Variants in TTC34 observed in about 807,000 individuals in gnomAD.
The protein encoded by TTC34 is tetratricopeptide repeat domain 34.
In TTC34, 44 loss-of-function variants were observed where a neutral mutation model predicts 40.7. The ratio of observed to expected loss-of-function variants is 1.08; its 90% CI spans 0.85 to 1.39. TTC34 has a LOEUF of 1.39. TTC34 is among the 40% of genes most tolerant of loss of function. The pLI is 0.00. For synonymous variants in TTC34, 422 were observed against 398.6 expected, an observed-to-expected ratio of 1.06 and a Z score of -0.70; for missense variants, 884 against 838.0, an observed-to-expected ratio of 1.05 and a Z score of -0.68.
chr1:2,700,293 C>A (rs11516514), intron 6 of TTC34, among the ~76,000 whole-genome samples: 24,069 of 98,770 alleles, frequency 0.24, 5,815 homozygotes, highest in Non-Finnish European at 0.33. Context: ...GCACCCACAC[C>A]CCCAGGTGAG....
chr1:2,755,905 C>A (rs1166167680), intron 6 of TTC34, among the ~76,000 whole-genome samples: 1 of 84,906 alleles, frequency 1.2e-5, no homozygotes, highest in Non-Finnish European at 2.1e-5. Context: ...CACCCACACC[C>A]CCAGGTGAGC....
chr1:2,761,098 G>C (rs1464070434), intron 6 of TTC34, among the ~76,000 whole-genome samples: 1 of 55,256 alleles, frequency 1.8e-5, no homozygotes, highest in Non-Finnish European at 2.9e-5. Flanking sequence ...GGTGAGCATC[G>C]GACATCCTGG....
chr1:2,687,778 C>A (rs1323438717), intron 6 of TTC34, among the ~76,000 whole-genome samples: 1 of 148,906 alleles, frequency 6.7e-6, no homozygotes, highest in Non-Finnish European at 1.5e-5. Context: ...CTGAGGCGAG[C>A]ATCTGACAGC....
At chr1:2,785,933 C>A in exon 5 of TTC34, 1 of 1,527,206 alleles carries the variant, frequency 6.5e-7, no homozygotes, top group Non-Finnish European at 8.8e-7. Flanking sequence ...TGGCAGTGGC[C>A]TTGAAGCAGC....
chr1:2,657,540 A>T (rs1639394852), intron 6 of TTC34, among the ~76,000 whole-genome samples: 7 of 85,916 alleles, frequency 8.1e-5, no homozygotes, highest in African/African-American at 2.6e-4. Flanking sequence ...AGCACCCAGA[A>T]CTCCAGGTGA....
intron 6 of TTC34, among the ~76,000 whole-genome samples, chr1:2,646,051 C>T (rs1384667730): frequency 1.3e-5 from 2 of 152,146 alleles, no homozygotes; most frequent in African/African-American, 4.8e-5. Context: ...GTAGAAAGCC[C>T]AGTTACTGCT....
intron 6 of TTC34, among the ~76,000 whole-genome samples, chr1:2,646,886 G>A (rs1020139248): frequency 2.0e-5 from 3 of 152,106 alleles, no homozygotes; most frequent in African/African-American, 4.8e-5. Flanking sequence ...TTTGTCTAAC[G>A]GGTCTTTAAT....
At chr1:2,800,276 G>C (rs1276809086) in exon 2 of TTC34, 3 of 398,568 alleles carry the variant, frequency 7.5e-6, no homozygotes, top group African/African-American at 2.1e-5. Context: ...GCAGCGCGGG[G>C]AGGTGGGGCC....
chr1:2,687,320 C>A lies in TTC34; in HGVS notation c.2227-41757G>T, dbSNP rs1277259760. 3.2e-4 allele frequency among the ~76,000 whole-genome samples: 40 copies of A among 125,654 alleles called. 1 individual carries two copies. Among genetic ancestry groups the A allele is most frequent in the African/African-American group, 1.2e-3 (34 of 28,770 alleles). The allele number at this position is 125,654 out of a possible 152,430, so 82.4% of individuals were successfully genotyped here. ...GCATCTGACATCGTGGAACAGCACCCCAAACCCACAGGTGAGCATCCGACA... is the reference window on the plus strand; with the variant it reads ...GCATCTGACATCGTGGAACAGCACCACAAACCCACAGGTGAGCATCCGACA... On this transcript the variant is annotated intron_variant, in intron 6 of 8. Coordinates refer to ENST00000401095, the Ensembl canonical transcript of TTC34.
intron 5 of TTC34, 130 bp from the exon 6 acceptor site, chr1:2,783,905 C>T: frequency 3.6e-6 from 3 of 840,270 alleles, no homozygotes; most frequent in Non-Finnish European, 5.1e-6. Context: ...TCACAGGCCA[C>T]TGGGCACCAA....
chr1:2,748,828 T>A lies in TTC34; in HGVS notation c.2226+34781A>T, dbSNP rs1384596633. ...ACAGGCGAGCATCTGACAGCCTCGG[T>A]CGGCACCCACAAACCCAGGTGAGCA... On this transcript the variant is annotated intron_variant, in intron 6 of 8. Coordinates refer to ENST00000401095, the Ensembl canonical transcript of TTC34. 1.8e-5 allele frequency among the ~76,000 whole-genome samples: 2 copies of A among 111,416 alleles called. 1 individual carries two copies. The highest frequency in any genetic ancestry group is 3.5e-5 in the Non-Finnish European group (2 of 57,294). 73.1% of individuals were successfully genotyped at this position (111,416 alleles called of 152,430 possible).
At chr1:2,748,502 C>T (rs1374139133) in intron 6 of TTC34, among the ~76,000 whole-genome samples, 8 of 125,974 alleles carry the variant, frequency 6.4e-5, no homozygotes, top group Admixed American at 1.6e-4. Context: ...CATCCGATAG[C>T]CTGGAGCAGC....
intron 6 of TTC34, among the ~76,000 whole-genome samples, chr1:2,685,747 C>G (rs1194118535): frequency 1.4e-5 from 2 of 146,118 alleles, no homozygotes; most frequent in African/African-American, 5.2e-5. Flanking sequence ...TGGTCTGGAG[C>G]AGAACCCACA....
chr1:2,685,506 G>A (rs1640292852), intron 6 of TTC34, among the ~76,000 whole-genome samples: 3 of 108,268 alleles, frequency 2.8e-5, no homozygotes, highest in Admixed American at 1.9e-4. Context: ...ACACCATGGA[G>A]CAGCACCCAC....
intron 6 of TTC34, among the ~76,000 whole-genome samples, chr1:2,750,535 G>A (rs1363356460): frequency 1.8e-4 from 10 of 55,746 alleles, no homozygotes; most frequent in Non-Finnish European, 4.8e-4. Context: ...CCCCAAGCGA[G>A]CATCCGACAG....
At chr1:2,688,213 A>C (rs1256370975) in intron 6 of TTC34, among the ~76,000 whole-genome samples, 10 of 74,518 alleles carry the variant, frequency 1.3e-4, no homozygotes, top group South Asian at 4.6e-4. Flanking sequence ...CCACACCCCC[A>C]GGGGAGCATC....
intron 6 of TTC34, among the ~76,000 whole-genome samples, chr1:2,769,955 C>A (rs1642022321): frequency 1.4e-5 from 1 of 71,492 alleles, no homozygotes; most frequent in African/African-American, 7.4e-5. Context: ...CCCACACCCC[C>A]AGGTGAGCAT....
At chr1:2,662,593 C>CAG (rs1244946968) in intron 6 of TTC34, among the ~76,000 whole-genome samples, 8 of 48,858 alleles carry the variant, frequency 1.6e-4, no homozygotes, top group East Asian at 4.1e-4. Flanking sequence ...GGAGCAGGAC[C>CAG]CATACCTCCA....
At chr1:2,788,947 T>G (rs879363509) in intron 3 of TTC34, among the ~76,000 whole-genome samples, 11 of 152,198 alleles carry the variant, frequency 7.2e-5, no homozygotes, top group South Asian at 4.2e-4. Context: ...AAAGATTAGC[T>G]GGGCGTGGTG....
Sources: gnomAD v4.1 joint callset for allele counts (sites outside exome capture counted in the v4.1 genomes callset) on GRCh38, gnomAD v4.1.1 for gene constraint, MANE v1.5 for transcripts, NCBI Gene and HGNC (gene_info 2026-07-23, HGNC 2026-07-21) for gene names.